SLC16A9: variants seen among roughly 807,000 people sequenced by gnomAD.
SLC16A9 encodes solute carrier family 16 member 9.
Under a neutral mutation model 44.3 loss-of-function variants are expected in SLC16A9, and 26 were observed. That is an observed-to-expected ratio of 0.59 (90% CI 0.43 to 0.81). The LOEUF is 0.81. SLC16A9 is among the 40% of genes least tolerant of loss of function. The pLI, the probability that SLC16A9 is intolerant of heterozygous loss-of-function variation, is 0.00. For missense variants in SLC16A9, 559 were observed against 595.8 expected (o/e 0.94, Z 0.64); for synonymous variants, 230 against 225.1 (o/e 1.02, Z -0.19).
chr10:59,696,739 G>T (rs2132530849), intron 1 of SLC16A9, among the ~76,000 whole-genome samples: 1 of 151,584 alleles, frequency 6.6e-6, no homozygotes, highest in Middle Eastern at 3.5e-3. Context: ...TGTGAGGAGT[G>T]TCTCTGCCCG....
At chr10:59,676,556 C>A (rs1470174809) in intron 2 of SLC16A9, among the ~76,000 whole-genome samples, 2 of 151,954 alleles carry the variant, frequency 1.3e-5, no homozygotes, top group Admixed American at 6.6e-5. Flanking sequence ...TGAACCTGAA[C>A]AATTTTAGGG....
At chr10:59,702,396 T>G (rs1202139370) in intron 1 of SLC16A9, among the ~76,000 whole-genome samples, 1 of 152,202 alleles carries the variant, frequency 6.6e-6, no homozygotes, top group Non-Finnish European at 1.5e-5. Flanking sequence ...ATGGTTAACA[T>G]ACTCGCTGAT....
intron 1 of SLC16A9, among the ~76,000 whole-genome samples, chr10:59,698,000 C>G (rs1840439760): frequency 6.7e-6 from 1 of 149,878 alleles, no homozygotes; most frequent in African/African-American, 2.4e-5. Context: ...ACAAAAAACC[C>G]TCAATAAATG....
rs536646324 is a variant in SLC16A9, at chr10:59,696,577, G to A, written c.-36-12250C>T. Among the ~76,000 whole-genome samples, 400 of 151,572 alleles carry A rather than the reference G, an allele frequency of 2.6e-3. 2 individuals are homozygous for A. The highest frequency in any genetic ancestry group is 8.6e-3 in the African/African-American group (355 of 41,332). On this transcript the variant is annotated intron_variant, in intron 1 of 5. Coordinates refer to ENST00000395348, the MANE Select transcript of SLC16A9 (RefSeq NM_194298.3). ...TGCCTGGCCGCCCATCGTCTGGGAT[G>A]TGAGGAGCCTCTCTGCCTGGCTGCC...
chr10:59,664,211 C>T lies in SLC16A9; in HGVS notation c.436+16G>A, dbSNP rs962938493. On this transcript the variant is annotated intron_variant, in intron 4 of 5. Coordinates refer to ENST00000395348, the MANE Select transcript of SLC16A9 (RefSeq NM_194298.3). ...GACTGAATGGTGACAATACTGTACT[C>T]ATTTTGAAAATATACCTGTTGAAAT... is the stretch of plus-strand genomic sequence containing the variant. The T allele has an allele frequency of 2.5e-6, 4 of 1,580,230 alleles. No homozygotes were observed. The African/African-American group carries it at 4.0e-5, about 16-fold the overall frequency.
intron 3 of SLC16A9, among the ~76,000 whole-genome samples, chr10:59,671,743 A>G (rs1839755040): frequency 6.6e-6 from 1 of 152,194 alleles, no homozygotes; most frequent in African/African-American, 2.4e-5. Context: ...ATCAAATCCC[A>G]TATAAATGGA....
chr10:59,668,007 C>T (rs1839659777), intron 3 of SLC16A9, among the ~76,000 whole-genome samples: 1 of 152,090 alleles, frequency 6.6e-6, no homozygotes. Flanking sequence ...CTTTATCACA[C>T]CCACGGCCTA....
intron 1 of SLC16A9, among the ~76,000 whole-genome samples, chr10:59,694,696 G>A (rs1379107271): frequency 6.7e-6 from 1 of 150,226 alleles, no homozygotes; most frequent in Non-Finnish European, 1.5e-5. Context: ...AGCTACTTGG[G>A]GGCTGAGACA....
chr10:59,668,964 T>A (rs933845312), intron 3 of SLC16A9, among the ~76,000 whole-genome samples: 3 of 152,098 alleles, frequency 2.0e-5, no homozygotes, highest in Non-Finnish European at 2.9e-5. Context: ...AGTAAGAGAA[T>A]CAGACTGTCT....
At chr10:59,696,949 G>GCCCGGCCAGCCGC (rs1840399987) in intron 1 of SLC16A9, among the ~76,000 whole-genome samples, 1 of 136,380 alleles carries the variant, frequency 7.3e-6, no homozygotes, top group African/African-American at 2.9e-5. Context: ...TCAGCCCCCC[G>GCCCGGCCAGCCGC]CCCGGCCAGC....
chr10:59,664,370 A>G (rs767258651), intron 3 of SLC16A9, 48 bp from the exon 4 acceptor site: 9 of 1,326,542 alleles, frequency 6.8e-6, no homozygotes, highest in Admixed American at 1.9e-5. Context: ...CATTACTTCA[A>G]TGCAAGAGAA....
At chr10:59,708,253 C>T (rs905028593) in intron 1 of SLC16A9, among the ~76,000 whole-genome samples, 6 of 152,174 alleles carry the variant, frequency 3.9e-5, no homozygotes, top group Admixed American at 2.0e-4. Context: ...AATGACTTTA[C>T]TCTGCATTTG....
intron 1 of SLC16A9, among the ~76,000 whole-genome samples, chr10:59,687,958 T>TCAA (rs1374171878): frequency 1.4e-5 from 1 of 70,198 alleles, no homozygotes; most frequent in Non-Finnish European, 2.6e-5. Context: ...AGACCCTGTC[T>TCAA]CAACAACAAC....
chr10:59,707,322 GGGAAGGGAA>G (rs1840665001), intron 1 of SLC16A9, among the ~76,000 whole-genome samples: 1 of 131,854 alleles, frequency 7.6e-6, no homozygotes, highest in African/African-American at 2.8e-5. Flanking sequence ...GGGAAGGGAA[GGGAAGGGAA>G]GGGAGGGGAA....
intron 1 of SLC16A9, among the ~76,000 whole-genome samples, chr10:59,701,772 G>A (rs1001311): frequency 0.31 from 47,524 of 151,848 alleles, 8,405 homozygotes; most frequent in East Asian, 0.68. Context: ...TCCCTCCCTC[G>A]TCCAAGCTTT....
chr10:59,701,070 G>C (rs1354950862), intron 1 of SLC16A9, among the ~76,000 whole-genome samples: 1 of 152,132 alleles, frequency 6.6e-6, no homozygotes, highest in African/African-American at 2.4e-5. Flanking sequence ...GATGTGCCCA[G>C]GCCCCTCAAA....
At chr10:59,676,471 G>A (rs1233336256) in intron 2 of SLC16A9, among the ~76,000 whole-genome samples, 2 of 152,126 alleles carry the variant, frequency 1.3e-5, no homozygotes, top group East Asian at 1.9e-4. Flanking sequence ...ACAATGCAAA[G>A]TGAAAACTCT....
intron 4 of SLC16A9, among the ~76,000 whole-genome samples, chr10:59,661,058 GC>G (rs1839464355): frequency 6.6e-6 from 1 of 152,160 alleles, no homozygotes; most frequent in African/African-American, 2.4e-5. Context: ...TATTGAATGG[GC>G]AAAAGCTGGA....
At chr10:59,692,155 T>A (rs747483376) in intron 1 of SLC16A9, among the ~76,000 whole-genome samples, 5 of 152,230 alleles carry the variant, frequency 3.3e-5, no homozygotes, top group Non-Finnish European at 7.3e-5. Context: ...TGAAGCACTT[T>A]AAGAGCCTAG....
Sources: gnomAD v4.1 joint callset for allele counts (sites outside exome capture counted in the v4.1 genomes callset) on GRCh38, gnomAD v4.1.1 for gene constraint, MANE v1.5 for transcripts, NCBI Gene and HGNC (gene_info 2026-07-23, HGNC 2026-07-21) for gene names.